The following KIAA0930 variants were observed in gnomAD, a reference collection of about 807,000 sequenced individuals.
KIAA0930 encodes uncharacterized protein KIAA0930.
A neutral mutation model predicts 43.9 loss-of-function variants in KIAA0930; 24 were observed. The observed-to-expected ratio is 0.55, with a 90% CI of 0.40 to 0.77. KIAA0930 has a LOEUF of 0.77. KIAA0930 is among the 30% of genes least tolerant of loss of function. The pLI is 0.00. For missense variants in KIAA0930, 461 were observed against 574.2 expected (o/e 0.80, Z 2.02); for synonymous variants, 259 against 216.4 (o/e 1.20, Z -1.73).
Position 45,195,052 on chromosome 22 carries a change from G to C in KIAA0930, c.*2124C>G, listed in dbSNP as rs2083523962. On this transcript the variant is annotated 3_prime_UTR_variant, in exon 10 of 10. Coordinates refer to ENST00000336156, the MANE Select transcript of KIAA0930 (RefSeq NM_001009880.2). The stretch of plus-strand genomic sequence containing the variant: ...AAATTGAGGGCTGATCTCTAAAATA[G>C]CATGATTTGTACACGTTTCTGTGAC... 1 of 152,250 alleles carries C rather than the reference G, an allele frequency of 6.6e-6. No homozygotes were observed. The highest frequency in any genetic ancestry group is 2.1e-4 in the South Asian group (1 of 4,838). 9.4% of individuals were successfully genotyped at this position (152,250 alleles called of 1,614,324 possible). A position where few individuals can be genotyped will look rare whatever the true frequency, so the allele number is the denominator to read the frequency against.
intron 1 of KIAA0930, among the ~76,000 whole-genome samples, chr22:45,227,504 G>A (rs1348387525): frequency 3.3e-5 from 5 of 152,142 alleles, no homozygotes; most frequent in Non-Finnish European, 7.4e-5. Context: ...CGCCAGCCTC[G>A]AATCCAGGAC....
intron 1 of KIAA0930, among the ~76,000 whole-genome samples, chr22:45,228,741 CCTA>C (rs1193340473): frequency 1.3e-5 from 1 of 79,140 alleles, no homozygotes; most frequent in African/African-American, 6.7e-5. Flanking sequence ...TCTCCACCCC[CCTA>C]CCACCACTCA....
chr22:45,197,952 G>C lies in KIAA0930; in HGVS notation c.1016-4C>G. ...TTGGTTGCATTGTGCAGATCGGCTG[G>C]AGGAAAGAAGGCCAGGTCAAGGCCC... On this transcript the variant is annotated splice_polypyrimidine_tract_variant and splice_region_variant and intron_variant, in intron 8 of 9. Coordinates refer to ENST00000336156, the MANE Select transcript of KIAA0930 (RefSeq NM_001009880.2). The C allele has an allele frequency of 6.2e-7, 1 of 1,613,746 alleles. No individual in the cohort carries two copies. Among genetic ancestry groups the C allele is most frequent in the Non-Finnish European group, 8.5e-7 (1 of 1,179,784 alleles).
intron 2 of KIAA0930, chr22:45,211,345 G>A (rs2147748251): frequency 2.5e-6 from 1 of 398,656 alleles, no homozygotes; most frequent in East Asian, 3.6e-5. Context: ...CATGCAAAAT[G>A]TATTTTATTA....
chr22:45,239,894 A>G (rs1210256590), intron 1 of KIAA0930, among the ~76,000 whole-genome samples: 2 of 152,090 alleles, frequency 1.3e-5, no homozygotes, highest in African/African-American at 4.8e-5. Flanking sequence ...CCTGGGCTTC[A>G]GTCTGGGCAT....
intron 5 of KIAA0930, among the ~76,000 whole-genome samples, chr22:45,204,461 G>C (rs2083617720): frequency 6.6e-6 from 1 of 152,184 alleles, no homozygotes; most frequent in African/African-American, 2.4e-5. Flanking sequence ...CTGGTGCACA[G>C]ACTGTGAGCT....
chr22:45,205,716 G>C lies in KIAA0930; in HGVS notation c.337-9C>G, dbSNP rs199613513. ...GTCACCATGTAGTCCAGCTGGAAGA[G>C]AGCACGGGTCAGCGTGCAGGGAGGG... is the stretch of plus-strand genomic sequence containing the variant. On this transcript the variant is annotated splice_polypyrimidine_tract_variant and intron_variant, in intron 3 of 9. Coordinates refer to ENST00000336156, the MANE Select transcript of KIAA0930 (RefSeq NM_001009880.2). 5 of 1,614,092 alleles carry C rather than the reference G, an allele frequency of 3.1e-6. No homozygotes were observed. The highest frequency in any genetic ancestry group is 4.5e-5 in the East Asian group (2 of 44,868).
intron 2 of KIAA0930, among the ~76,000 whole-genome samples, chr22:45,209,533 G>A (rs1601814980): frequency 1.3e-5 from 2 of 152,112 alleles, no homozygotes. Context: ...GTCCCTCCAC[G>A]GGGCGTGTCC....
At chr22:45,198,712 C>T (rs928490848) in intron 8 of KIAA0930, among the ~76,000 whole-genome samples, 4 of 152,156 alleles carry the variant, frequency 2.6e-5, no homozygotes, top group South Asian at 2.1e-4. Context: ...TGCAGTGGCA[C>T]GATCTCGGCT....
intron 1 of KIAA0930, among the ~76,000 whole-genome samples, chr22:45,230,580 CTTTTTT>C (rs796595254): frequency 1.4e-3 from 176 of 128,668 alleles, no homozygotes; most frequent in Non-Finnish European, 2.4e-3. Context: ...AGATCACATT[CTTTTTT>C]TTTTTTTTTT....
intron 2 of KIAA0930, among the ~76,000 whole-genome samples, chr22:45,210,569 C>A (rs2083683607): frequency 6.6e-6 from 1 of 152,170 alleles, no homozygotes; most frequent in South Asian, 2.1e-4. Flanking sequence ...GATGACCTGG[C>A]AGTGTCATAT....
rs1214621187 is a variant in KIAA0930 at position 45,205,269 on chromosome 22, T to G, written c.464A>C (p.Glu155Ala). The G allele has an allele frequency of 6.2e-7, 1 of 1,614,154 alleles. No individual in the cohort carries two copies. The highest frequency in any genetic ancestry group is 8.5e-7 in the Non-Finnish European group (1 of 1,180,014). ...GATGTTGGGGTAGCTGATCTTGGAC[T>G]CCTCCCCCTTGCTGTCCATGGGGTG... is the stretch of plus-strand genomic sequence containing the variant. ...SKHPMDSKGE[E>A]SKISYPNIFF... Residue 155 changes from glutamate (E) to alanine (A), a missense_variant, in exon 5 of 10, where the codon GAG (glutamate) becomes GCG (alanine). Coordinates refer to ENST00000336156, the MANE Select transcript of KIAA0930 (RefSeq NM_001009880.2).
rs2083518233 is a variant in KIAA0930 at position 45,194,425 on chromosome 22, G to A, written c.*2751C>T. On this transcript the variant is annotated 3_prime_UTR_variant, in exon 10 of 10. Transcript: ENST00000336156. ...GATTAAAGTACAGTTTTCCGCTGAG[G>A]AAACCTAAGGTCTTAAAGGGGTTTT... The A allele has an allele frequency of 6.6e-6, 1 of 152,158 alleles. No homozygotes were observed. The highest frequency in any genetic ancestry group is 2.4e-5 in the African/African-American group (1 of 41,438). The allele number at this position is 152,158 out of a possible 1,614,324, so 9.4% of individuals were successfully genotyped here.
In KIAA0930 at chr22:45,205,783, C is replaced by CCCCCCCCA; in HGVS notation, c.336+9_336+10insTGGGGGGG. On this transcript the variant is annotated intron_variant, in intron 3 of 9. Transcript: ENST00000336156. ...GGCCAATCCGCAGCCCCACCCATCC[C>CCCCCCCCA]ACCCCATACCTTCTGCAGGATGAGA... is the stretch of plus-strand genomic sequence containing the variant. 6.3e-7 allele frequency: 1 copy of CCCCCCCCA among 1,595,994 alleles called. No homozygotes were observed. Among genetic ancestry groups the CCCCCCCCA allele is most frequent in the Non-Finnish European group, 8.6e-7 (1 of 1,165,386 alleles).
intron 1 of KIAA0930, chr22:45,212,523 AC>A (rs1294027029): frequency 2.9e-6 from 4 of 1,398,268 alleles, no homozygotes; most frequent in Admixed American, 6.0e-5. Context: ...AACATCTCTC[AC>A]CCCCACCCAC....
In KIAA0930 at chr22:45,211,946, G is replaced by A. The variant is rs775055322; in HGVS notation, c.216+10C>T. On this transcript the variant is annotated intron_variant, in intron 2 of 9. Coordinates refer to ENST00000336156, the MANE Select transcript of KIAA0930 (RefSeq NM_001009880.2). ...CACAGACGCAGGGGCAGGGGCCGGGGGTCACTCACCTTCCTCCCGTCTGCA... is the reference window on the plus strand; with the variant it reads ...CACAGACGCAGGGGCAGGGGCCGGGAGTCACTCACCTTCCTCCCGTCTGCA... 1.6e-5 allele frequency: 25 copies of A among 1,608,490 alleles called. No individual in the cohort carries two copies. The highest frequency in any genetic ancestry group is 3.3e-5 in the Admixed American group (2 of 59,980).
chr22:45,227,798 G>T (rs936207476), intron 1 of KIAA0930, among the ~76,000 whole-genome samples: 1 of 152,226 alleles, frequency 6.6e-6, no homozygotes, highest in Non-Finnish European at 1.5e-5. Context: ...TGATAGAGAT[G>T]ACCTCATCCC....
chr22:45,209,187 G>T (rs1295567766), intron 2 of KIAA0930, among the ~76,000 whole-genome samples: 1 of 152,238 alleles, frequency 6.6e-6, no homozygotes, highest in African/African-American at 2.4e-5. Flanking sequence ...CCGGCTGGTT[G>T]CTATGGCAAC....
intron 1 of KIAA0930, among the ~76,000 whole-genome samples, chr22:45,239,843 G>A (rs1281473527): frequency 1.3e-5 from 2 of 152,182 alleles, no homozygotes; most frequent in African/African-American, 4.8e-5. Context: ...CTTTTCCATG[G>A]AGAAAATGAC....
Sources: gnomAD v4.1 joint callset for allele counts (sites outside exome capture counted in the v4.1 genomes callset) on GRCh38, gnomAD v4.1.1 for gene constraint, MANE v1.5 for transcripts, NCBI Gene and HGNC (gene_info 2026-07-23, HGNC 2026-07-21) for gene names.